The following FAM83B variants were observed in gnomAD, a reference collection of about 807,000 sequenced individuals.
The protein encoded by FAM83B is scaffolding CK1 anchoring protein B.
FAM83B carries 26 observed loss-of-function variants against 38.8 expected under a neutral mutation model. The observed-to-expected ratio is 0.67, with a 90% CI of 0.49 to 0.93. FAM83B has a LOEUF of 0.93. Ranked by LOEUF, FAM83B falls within the 40% of genes least tolerant of loss-of-function variation. The pLI is 0.00. For synonymous variants in FAM83B, 419 were observed against 423.1 expected, an observed-to-expected ratio of 0.99 and a Z score of 0.12; for missense variants, 1,237 against 1,197.3, an observed-to-expected ratio of 1.03 and a Z score of -0.49.
At chr6:54,864,498 C>T (rs1771655889) in intron 1 of FAM83B, among the ~76,000 whole-genome samples, 1 of 152,128 alleles carries the variant, frequency 6.6e-6, no homozygotes, top group Non-Finnish European at 1.5e-5. Flanking sequence ...GAATATCATG[C>T]CGTGCAGATG....
rs373963057 is a variant in FAM83B, at chr6:54,940,160, G to T, written c.1189G>T (p.Val397Leu). The T allele has an allele frequency of 6.2e-6, 10 of 1,614,018 alleles. No homozygotes were observed. Among genetic ancestry groups the T allele is most frequent in the Non-Finnish European group, 6.8e-6 (8 of 1,180,004 alleles). The change falls in exon 5 of 5, where the codon GTG (valine) becomes TTG (leucine). Residue 397 changes from valine to leucine, a missense_variant. Transcript: ENST00000306858. ...TTATGCTGGGGAACAGCCAGAAACA[G>T]TGCCATACCTCCTGCTTAATAGGGC... is the stretch of plus-strand genomic sequence containing the variant. Reference protein sequence around the residue: ...HSYAGEQPETVPYLLLNRALN... With the variant: ...HSYAGEQPETLPYLLLNRALN...
intron 1 of FAM83B, among the ~76,000 whole-genome samples, chr6:54,851,647 GTTT>G (rs577598548): frequency 1.2e-5 from 1 of 86,956 alleles, no homozygotes. Context: ...TAATTTTTGT[GTTT>G]TTTTTTTTTT....
In FAM83B at chr6:54,945,090, C is replaced by A. The variant is rs1239196250; in HGVS notation, c.*3083C>A. On this transcript the variant is annotated 3_prime_UTR_variant, in exon 5 of 5. Coordinates refer to ENST00000306858, the MANE Select transcript of FAM83B (RefSeq NM_001010872.3). ...TAAATGAATAATAAATAATTTTGTA[C>A]AAACATCAATATATTGTAAGCTATT... 1 of 152,040 alleles carries A rather than the reference C, an allele frequency of 6.6e-6. No homozygotes were observed. The highest frequency in any genetic ancestry group is 1.5e-5 in the Non-Finnish European group (1 of 68,010). The allele number at this position is 152,040 out of a possible 1,614,324, so 9.4% of individuals were successfully genotyped here.
intron 2 of FAM83B, among the ~76,000 whole-genome samples, chr6:54,893,369 A>G (rs1168253740): frequency 3.9e-5 from 6 of 152,118 alleles, no homozygotes; most frequent in African/African-American, 1.4e-4. Flanking sequence ...TTATTTGTTA[A>G]TACATTTTAT....
At chr6:54,883,636 G>A (rs947264716) in intron 2 of FAM83B, among the ~76,000 whole-genome samples, 2 of 151,632 alleles carry the variant, frequency 1.3e-5, no homozygotes, top group African/African-American at 4.8e-5. Context: ...GCACCTGGCC[G>A]ATTGTTTAAA....
intron 2 of FAM83B, among the ~76,000 whole-genome samples, chr6:54,915,040 A>G (rs766306754): frequency 1.1e-4 from 17 of 152,098 alleles, no homozygotes; most frequent in Non-Finnish European, 2.5e-4. Flanking sequence ...ATCATCAAGC[A>G]AATCACCTCT....
At chr6:54,920,643 A>C (rs997163298) in intron 2 of FAM83B, among the ~76,000 whole-genome samples, 1 of 151,952 alleles carries the variant, frequency 6.6e-6, no homozygotes, top group South Asian at 2.1e-4. Context: ...CAAGTTTTCA[A>C]TGTCAACACT....
chr6:54,876,272 G>T (rs1396187753), intron 2 of FAM83B, among the ~76,000 whole-genome samples: 8 of 122,120 alleles, frequency 6.6e-5, no homozygotes, highest in Non-Finnish European at 1.3e-4. Context: ...AAGTTATTTA[G>T]GAGTGCATAT....
chr6:54,869,733 T>G (rs1168472609), intron 1 of FAM83B, among the ~76,000 whole-genome samples: 1 of 152,204 alleles, frequency 6.6e-6, no homozygotes, highest in Non-Finnish European at 1.5e-5. Flanking sequence ...ATTACTCATT[T>G]TGGCCTTTAG....
At chr6:54,859,382 AT>A in intron 1 of FAM83B, among the ~76,000 whole-genome samples, 1 of 152,176 alleles carries the variant, frequency 6.6e-6, no homozygotes, top group South Asian at 2.1e-4. Context: ...ATTTTTTTTA[AT>A]TTATTTTTTA....
chr6:54,935,198 T>C (rs1773501200), intron 4 of FAM83B, among the ~76,000 whole-genome samples: 1 of 152,148 alleles, frequency 6.6e-6, no homozygotes, highest in South Asian at 2.1e-4. Flanking sequence ...TTTTTAAGTG[T>C]TTACAATATG....
intron 2 of FAM83B, among the ~76,000 whole-genome samples, chr6:54,889,469 G>A (rs113051608): frequency 0.013 from 1,932 of 152,014 alleles, 49 homozygotes; most frequent in African/African-American, 0.043. Flanking sequence ...GTTCCAGGAC[G>A]CCCACACCCC....
At chr6:54,906,728 A>G (rs1299345997) in intron 2 of FAM83B, among the ~76,000 whole-genome samples, 2 of 152,128 alleles carry the variant, frequency 1.3e-5, no homozygotes, top group Non-Finnish European at 1.5e-5. Flanking sequence ...CTAATGAAGT[A>G]TAGTATATAG....
rs569993464 is a variant in FAM83B, at chr6:54,944,090, C to T, written c.*2083C>T. 3 of 152,008 alleles carry T rather than the reference C, an allele frequency of 2.0e-5. No homozygotes were observed. Among genetic ancestry groups the T allele is most frequent in the African/African-American group, 7.2e-5 (3 of 41,458 alleles). The allele number at this position is 152,008 out of a possible 1,614,324, so 9.4% of individuals were successfully genotyped here. The stretch of plus-strand genomic sequence containing the variant: ...TTGTTTTTCTTGTATCTTTTTTCTT[C>T]AAAAATATCTATATTTGAGAATATG... On this transcript the variant is annotated 3_prime_UTR_variant, in exon 5 of 5. Coordinates refer to ENST00000306858, the MANE Select transcript of FAM83B (RefSeq NM_001010872.3).
chr6:54,860,997 C>T (rs886934963), intron 1 of FAM83B, among the ~76,000 whole-genome samples: 36 of 152,184 alleles, frequency 2.4e-4, no homozygotes, highest in African/African-American at 8.7e-4. Context: ...GTCTTGAACT[C>T]ATGACCTCAG....
chr6:54,927,690 C>G, intron 4 of FAM83B, 58 bp downstream of exon 4: 1 of 395,324 alleles, frequency 2.5e-6, no homozygotes, highest in Non-Finnish European at 3.8e-6. Flanking sequence ...TTATTAGTTT[C>G]AAATTTTAAT....
intron 4 of FAM83B, among the ~76,000 whole-genome samples, chr6:54,930,750 T>C (rs542502198): frequency 6.6e-6 from 1 of 152,048 alleles, no homozygotes; most frequent in Admixed American, 6.6e-5. Context: ...GTTTTTGTTT[T>C]TTCTAGTTTC....
Position 54,922,958 on chromosome 6 carries a change from A to G in FAM83B, c.445-3413A>G, listed in dbSNP as rs13201525. On this transcript the variant is annotated intron_variant, in intron 2 of 4. Transcript: ENST00000306858. ...TCATCTGACTACCACCTCTGCTTCT[A>G]TTTTTGGCTTACCATCTCTAGTATC... 5.6e-3 allele frequency among the ~76,000 whole-genome samples: 843 copies of G among 151,854 alleles called. 6 individuals are homozygous for G. Among genetic ancestry groups the G allele is most frequent in the Middle Eastern group, 0.017 (5 of 292 alleles).
Position 54,911,161 on chromosome 6 carries a change from G to GTGTGTGTGTA in FAM83B, c.445-15205_445-15204insGTGTATGTGT, listed in dbSNP as rs1191687498. ...ACAGCGTGTGTGTGTGTGTGTGTGT[G>GTGTGTGTGTA]TGTGTATGTGTAATAGAAAAATATT... is the stretch of plus-strand genomic sequence containing the variant. On this transcript the variant is annotated intron_variant, in intron 2 of 4. Coordinates refer to ENST00000306858, the MANE Select transcript of FAM83B (RefSeq NM_001010872.3). Among the ~76,000 whole-genome samples, 364 of 151,594 alleles carry GTGTGTGTGTA rather than the reference G, an allele frequency of 2.4e-3. 2 individuals carry two copies. The highest frequency in any genetic ancestry group is 8.4e-3 in the African/African-American group (344 of 41,144).
Sources: gnomAD v4.1 joint callset for allele counts (sites outside exome capture counted in the v4.1 genomes callset) on GRCh38, gnomAD v4.1.1 for gene constraint, MANE v1.5 for transcripts, NCBI Gene and HGNC (gene_info 2026-07-23, HGNC 2026-07-21) for gene names.